CDH4: variants seen among roughly 807,000 people sequenced by gnomAD.
CDH4 encodes cadherin-4.
CDH4 carries 33 observed loss-of-function variants against 86.0 expected under a neutral mutation model. The observed-to-expected ratio is 0.38, with a 90% CI of 0.29 to 0.51. The LOEUF is 0.51. Among genes scored for constraint, CDH4 ranks in the 20% least tolerant of loss-of-function variants. CDH4 has a pLI of 0.86. For missense variants in CDH4, 1,114 were observed against 1,307.4 expected (o/e 0.85, Z 2.28); for synonymous variants, 555 against 549.4 (o/e 1.01, Z -0.14).
At chr20:61,257,214 C>T (rs1003813262) in intron 2 of CDH4, among the ~76,000 whole-genome samples, 1 of 152,216 alleles carries the variant, frequency 6.6e-6, no homozygotes, top group Non-Finnish European at 1.5e-5. Flanking sequence ...GCGACTGCTC[C>T]GTGGCTCCTT....
At chr20:61,813,411 G>A (rs1477483903) in intron 4 of CDH4, among the ~76,000 whole-genome samples, 1 of 152,198 alleles carries the variant, frequency 6.6e-6, no homozygotes, top group Non-Finnish European at 1.5e-5. Context: ...AGGAGCTGGG[G>A]GATGAAGTGA....
intron 6 of CDH4, among the ~76,000 whole-genome samples, chr20:61,858,281 CTG>C (rs1217259203): frequency 7.8e-5 from 9 of 114,664 alleles, no homozygotes; most frequent in African/African-American, 2.0e-4. Context: ...CTATGTGTGT[CTG>C]TGTCTGTGTG....
At chr20:61,581,627 C>T (rs1351763711) in intron 2 of CDH4, among the ~76,000 whole-genome samples, 4 of 152,172 alleles carry the variant, frequency 2.6e-5, no homozygotes, top group African/African-American at 9.7e-5. Context: ...GCCCTGCTTC[C>T]TCCCTCCTGT....
At chr20:61,741,182 C>G (rs916165543) in intron 2 of CDH4, among the ~76,000 whole-genome samples, 1 of 152,156 alleles carries the variant, frequency 6.6e-6, no homozygotes, top group Non-Finnish European at 1.5e-5. Flanking sequence ...GCACTCCAGC[C>G]TGGGCAGCAG....
intron 2 of CDH4, among the ~76,000 whole-genome samples, chr20:61,545,950 C>T (rs112436849): frequency 7.7e-3 from 156 of 20,260 alleles, no homozygotes; most frequent in South Asian, 0.011. Flanking sequence ...ATGTGGGATA[C>T]GGTGTGTGTT....
Position 61,273,539 on chromosome 20 carries a change from C to T in CDH4, c.169+18602C>T, listed in dbSNP as rs1385068485. ...GACCATGTGCAGTTTAGGGGAGTAC[C>T]GTGTGCAGTTTGGAGGAGTACCGTG... On this transcript the variant is annotated intron_variant, in intron 2 of 15. Coordinates refer to ENST00000614565, the MANE Select transcript of CDH4 (RefSeq NM_001794.5). Among the ~76,000 whole-genome samples, 40 of 118,458 alleles carry T rather than the reference C, an allele frequency of 3.4e-4. 6 individuals carry two copies. Among genetic ancestry groups the T allele is most frequent in the Non-Finnish European group, 5.5e-4 (32 of 58,598 alleles). The allele number at this position is 118,458 out of a possible 152,430, so 77.7% of individuals were successfully genotyped here.
At chr20:61,513,210 G>T (rs544939333) in intron 2 of CDH4, among the ~76,000 whole-genome samples, 1 of 152,276 alleles carries the variant, frequency 6.6e-6, no homozygotes, top group Non-Finnish European at 1.5e-5. Flanking sequence ...CTCAGGGTCT[G>T]GCCCTTCCTG....
chr20:61,860,090 G>A (rs573460174), intron 6 of CDH4, among the ~76,000 whole-genome samples: 11 of 152,232 alleles, frequency 7.2e-5, no homozygotes, highest in Admixed American at 2.6e-4. Flanking sequence ...TGTGGCTCCC[G>A]GCAGTGACGC....
intron 3 of CDH4, among the ~76,000 whole-genome samples, chr20:61,757,157 G>A (rs186760901): frequency 6.6e-6 from 1 of 152,266 alleles, no homozygotes; most frequent in East Asian, 1.9e-4. Context: ...CTGCTCAGGT[G>A]CAGATTCCAT....
intron 2 of CDH4, among the ~76,000 whole-genome samples, chr20:61,328,332 T>C (rs967193264): frequency 3.3e-5 from 5 of 152,058 alleles, no homozygotes; most frequent in Admixed American, 1.3e-4. Context: ...CATGCCACCA[T>C]GCCTGGCTAA....
chr20:61,468,537 G>T (rs1338621034), intron 2 of CDH4, among the ~76,000 whole-genome samples: 1 of 152,110 alleles, frequency 6.6e-6, no homozygotes, highest in Non-Finnish European at 1.5e-5. Flanking sequence ...TTTATCTTTT[G>T]TATTCCAAAC....
intron 2 of CDH4, among the ~76,000 whole-genome samples, chr20:61,443,860 CTA>C (rs1053284442): frequency 2.0e-5 from 3 of 149,342 alleles, no homozygotes; most frequent in South Asian, 2.1e-4. Flanking sequence ...GTGTATCTCT[CTA>C]TGTGTCTATA....
At chr20:61,900,157 C>A (rs1985322345) in intron 8 of CDH4, among the ~76,000 whole-genome samples, 1 of 152,228 alleles carries the variant, frequency 6.6e-6, no homozygotes, top group Non-Finnish European at 1.5e-5. Flanking sequence ...GCCCACAGAT[C>A]CCCAGCCCCT....
intron 2 of CDH4, among the ~76,000 whole-genome samples, chr20:61,486,819 T>C (rs1218973753): frequency 6.6e-6 from 1 of 151,972 alleles, no homozygotes; most frequent in African/African-American, 2.4e-5. Flanking sequence ...GGCCCAGGAG[T>C]TCAAGGTTCC....
intron 2 of CDH4, among the ~76,000 whole-genome samples, chr20:61,371,878 C>T (rs1043028484): frequency 2.0e-5 from 3 of 152,210 alleles, no homozygotes; most frequent in Non-Finnish European, 4.4e-5. Flanking sequence ...CCTCACCATC[C>T]GTCCCTCGCC....
rs1048876060 is a variant in CDH4 at position 61,610,145 on chromosome 20, C to T, written c.170-133418C>T. Reference sequence around the variant, plus strand: ...ACCGACCTCTCTTTATTCCTCTCAACCCCCCAGACACACTCCACTTTCCCA... The same window carrying T: ...ACCGACCTCTCTTTATTCCTCTCAATCCCCCAGACACACTCCACTTTCCCA... On this transcript the variant is annotated intron_variant, in intron 2 of 15. Coordinates refer to ENST00000614565, the MANE Select transcript of CDH4 (RefSeq NM_001794.5). 6.6e-5 allele frequency among the ~76,000 whole-genome samples: 10 copies of T among 152,196 alleles called. No individual in the cohort carries two copies. The South Asian group carries it at 8.3e-4, about 13-fold the overall frequency.
At chr20:61,381,604 G>T (rs981592397) in intron 2 of CDH4, among the ~76,000 whole-genome samples, 3 of 152,162 alleles carry the variant, frequency 2.0e-5, no homozygotes, top group Admixed American at 1.3e-4. Flanking sequence ...ATGGAACGCT[G>T]CTCTAAAGCC....
At chr20:61,644,398 C>G (rs2087040421) in intron 2 of CDH4, among the ~76,000 whole-genome samples, 1 of 152,210 alleles carries the variant, frequency 6.6e-6, no homozygotes, top group South Asian at 2.1e-4. Flanking sequence ...AGGCTCAAAG[C>G]CAAGGCCAGT....
chr20:61,372,616 C>T (rs554827189), intron 2 of CDH4, among the ~76,000 whole-genome samples: 6 of 152,356 alleles, frequency 3.9e-5, no homozygotes, highest in African/African-American at 7.2e-5. Context: ...TGGGTGGCTG[C>T]AAAGATCTTG....
Sources: allele counts gnomAD v4.1 joint callset (sites outside exome capture counted in the v4.1 genomes callset), GRCh38; gene constraint gnomAD v4.1.1; transcripts MANE v1.5; gene names NCBI Gene and HGNC (gene_info 2026-07-23, HGNC 2026-07-21).